Variants in CELF2 observed in about 807,000 individuals in gnomAD.
The protein encoded by CELF2 is CUGBP Elav-like family member 2, also known as CUG triplet repeat RNA-binding protein 2.
A neutral mutation model predicts 62.6 loss-of-function variants in CELF2; 8 were observed. That is an observed-to-expected ratio of 0.13 (90% confidence interval 0.07 to 0.23). The LOEUF (loss-of-function observed/expected upper bound fraction) is 0.23, where lower values mean the gene tolerates loss of function less well. CELF2 is among the 10% of genes least tolerant of loss of function. The pLI, the probability that CELF2 is intolerant of heterozygous loss-of-function variation, is 1.00. For synonymous variants in CELF2, 258 were observed against 250.0 expected (o/e 1.03, Z -0.30); for missense variants, 333 against 671.0 (o/e 0.50, Z 5.56).
the CELF2 span, among the ~76,000 whole-genome samples, chr10:10,501,203 A>T: frequency 1.3e-5 from 2 of 152,230 alleles, no homozygotes; most frequent in Admixed American, 1.3e-4. Flanking sequence ...GACTGGCTGT[A>T]CCATTTTGCA....
intron 1 of CELF2, among the ~76,000 whole-genome samples, chr10:10,815,528 A>T (rs1194068553): frequency 6.6e-6 from 1 of 152,198 alleles, no homozygotes; most frequent in Admixed American, 6.5e-5. Flanking sequence ...ATTACAGAAG[A>T]CAGGCAGCAA....
the CELF2 span, among the ~76,000 whole-genome samples, chr10:10,473,297 G>A: frequency 6.6e-5 from 10 of 151,976 alleles, no homozygotes; most frequent in African/African-American, 2.4e-4. Flanking sequence ...TGCAAGCCAA[G>A]GAAAGACAAA....
the CELF2 span, among the ~76,000 whole-genome samples, chr10:10,464,909 T>C: frequency 6.6e-6 from 1 of 152,150 alleles, no homozygotes; most frequent in Non-Finnish European, 1.5e-5. Flanking sequence ...TAATATCAGT[T>C]TGTCTTTTCT....
intron 2 of CELF2, among the ~76,000 whole-genome samples, chr10:11,167,367 G>T (rs890196248): frequency 2.0e-5 from 3 of 152,226 alleles, no homozygotes; most frequent in Non-Finnish European, 4.4e-5. Context: ...CTATGCTTTA[G>T]AGAAATAACC....
At chr10:11,188,943 T>C (rs1208231154) in intron 2 of CELF2, among the ~76,000 whole-genome samples, 3 of 152,226 alleles carry the variant, frequency 2.0e-5, no homozygotes, top group African/African-American at 7.2e-5. Context: ...ACATTGTAGT[T>C]TTTAATCTCT....
At chr10:11,195,003 G>A (rs2057063874) in intron 2 of CELF2, among the ~76,000 whole-genome samples, 1 of 152,142 alleles carries the variant, frequency 6.6e-6, no homozygotes, top group South Asian at 2.1e-4. Context: ...GCATCCTGTG[G>A]CACTCATCCC....
At chr10:11,151,652 A>G (rs953095480) in intron 1 of CELF2, among the ~76,000 whole-genome samples, 1 of 152,186 alleles carries the variant, frequency 6.6e-6, no homozygotes, top group African/African-American at 2.4e-5. Context: ...AGAGCAAAAG[A>G]TAATTTTAGC....
intron 1 of CELF2, among the ~76,000 whole-genome samples, chr10:11,048,240 T>C (rs530435076): frequency 6.6e-6 from 1 of 152,364 alleles, no homozygotes; most frequent in East Asian, 1.9e-4. Flanking sequence ...GGGAGAGTTT[T>C]ATAGCTGCAG....
At chr10:10,541,104 G>A in the CELF2 span, among the ~76,000 whole-genome samples, 687 of 151,888 alleles carry the variant, frequency 4.5e-3, 11 homozygotes, top group African/African-American at 0.016. Flanking sequence ...TTAGCCGGGC[G>A]TGGTGGTGGG....
chr10:10,621,042 T>G, the CELF2 span, among the ~76,000 whole-genome samples: 8 of 148,102 alleles, frequency 5.4e-5, no homozygotes, highest in African/African-American at 1.7e-4. Context: ...GCTAACACGG[T>G]GAAACCCCGT....
chr10:10,904,353 A>T (rs973638280), intron 1 of CELF2, among the ~76,000 whole-genome samples: 3 of 151,960 alleles, frequency 2.0e-5, no homozygotes, highest in Non-Finnish European at 4.4e-5. Flanking sequence ...CTACCTCCCA[A>T]GTAGCTGGGA....
At chr10:10,629,859 ACC>A in the CELF2 span, among the ~76,000 whole-genome samples, 1 of 118,698 alleles carries the variant, frequency 8.4e-6, no homozygotes, top group African/African-American at 3.2e-5. Flanking sequence ...ACGGCTGAAG[ACC>A]AAAAAAAAAA....
intron 1 of CELF2, among the ~76,000 whole-genome samples, chr10:11,120,983 AAGG>A (rs750548389): frequency 2.6e-5 from 4 of 152,150 alleles, no homozygotes; most frequent in African/African-American, 7.2e-5. Flanking sequence ...AAGAGCTTGC[AAGG>A]AGGTGTGTAG....
the CELF2 span, among the ~76,000 whole-genome samples, chr10:10,654,817 G>C: frequency 1.5e-4 from 22 of 150,320 alleles, no homozygotes; most frequent in Non-Finnish European, 3.0e-4. Flanking sequence ...ACAGGACAGG[G>C]ATGCCCTCTC....
Position 11,207,627 on chromosome 10 carries a change from C to A in CELF2, c.272-9798C>A, listed in dbSNP as rs1331942101. Among the ~76,000 whole-genome samples, 1 of 152,226 alleles carries A rather than the reference C, an allele frequency of 6.6e-6. No homozygotes were observed. The highest frequency in any genetic ancestry group is 2.4e-5 in the African/African-American group (1 of 41,458). ...TCCCACGCTGCCAGTGTAAGTTTCCCAGGGGAATTCCTGGGATGGCACTTG... is the reference window on the plus strand; with the variant it reads ...TCCCACGCTGCCAGTGTAAGTTTCCAAGGGGAATTCCTGGGATGGCACTTG... On this transcript the variant is annotated intron_variant, in intron 2 of 12. Transcript: ENST00000633077. This position sits in a 1 kb window ranked among gnomAD's most constrained non-coding sequence, Gnocchi z 4.1.
rs895845226 is a variant in CELF2, at chr10:10,943,583, A to G, written c.89+23584A>G. On this transcript the variant is annotated intron_variant, in intron 2 of 13. Transcript: ENST00000636488. ...GAACTAGCTATATCAGCTACCAAAC[A>G]TTGCTCTTTTCTGTTTTTTGTTTGT... is the stretch of plus-strand genomic sequence containing the variant. Among the ~76,000 whole-genome samples the G allele has an allele frequency of 2.0e-5, 3 of 151,934 alleles. No individual in the cohort carries two copies. In the South Asian group the frequency reaches 6.2e-4, roughly 32 times the overall value.
At chr10:10,471,838 A>G in the CELF2 span, among the ~76,000 whole-genome samples, 1 of 151,706 alleles carries the variant, frequency 6.6e-6, no homozygotes, top group Non-Finnish European at 1.5e-5. Context: ...TTTTGATTTC[A>G]TCTTCCTTTT....
chr10:10,922,525 G>T (rs11256915), intron 2 of CELF2, among the ~76,000 whole-genome samples: 1 of 152,072 alleles, frequency 6.6e-6, no homozygotes, highest in African/African-American at 2.4e-5. Flanking sequence ...AGAAATCACC[G>T]TCGGCACCCG....
the CELF2 span, among the ~76,000 whole-genome samples, chr10:10,528,159 T>TTG: frequency 0.011 from 461 of 41,828 alleles, 1 homozygote; most frequent in African/African-American, 0.021. Context: ...GATTCCTGTT[T>TTG]TGTGTGTGTG....
Sources: allele counts gnomAD v4.1 joint callset (sites outside exome capture counted in the v4.1 genomes callset), GRCh38; gene constraint gnomAD v4.1.1; non-coding constraint Gnocchi (gnomAD v3.1); transcripts MANE v1.5; gene names NCBI Gene and HGNC (gene_info 2026-07-23, HGNC 2026-07-21).